ZNF658: variants seen among roughly 807,000 people sequenced by gnomAD.
ZNF658 encodes the protein zinc finger protein 658.
A neutral mutation model predicts 78.0 loss-of-function variants in ZNF658; 46 were observed. The observed-to-expected ratio is 0.59, with a 90% CI of 0.47 to 0.75. ZNF658 has a LOEUF of 0.75. ZNF658 is among the 30% of genes least tolerant of loss of function. ZNF658 has a pLI of 0.00. For missense variants in ZNF658, 785 were observed against 1,189.3 expected, an observed-to-expected ratio of 0.66 and a Z score of 5.00; for synonymous variants, 279 against 408.4, an observed-to-expected ratio of 0.68 and a Z score of 3.82.
downstream of ZNF658, among the ~76,000 whole-genome samples, chr9:66,923,014 G>GT (rs1203318778): frequency 6.6e-6 from 1 of 151,788 alleles, no homozygotes; most frequent in Non-Finnish European, 1.5e-5. Flanking sequence ...GTGAAAGGGA[G>GT]TTTATTAAGG....
At position 66,908,359 on chromosome 9, in the gene ZNF658, C is replaced by T. The variant is rs766070292; in HGVS notation, c.137C>T (p.Ser46Leu). Residue 46 changes from serine (S) to leucine (L), a missense_variant, in exon 3 of 5, where the codon TCA becomes TTA. Ser to Leu is a moderately radical substitution (Grantham distance 145). Coordinates refer to ENST00000621410, the MANE Select transcript of ZNF658 (RefSeq NM_033160.7). ...CTGGAGAACTACAGCCACCTCATCTCAGTGGGTGAGCATAGCTTACCATGG... is the reference window on the plus strand; with the variant it reads ...CTGGAGAACTACAGCCACCTCATCTTAGTGGGTGAGCATAGCTTACCATGG... ...VMLENYSHLI[S>L]VGYCITKPKV... The T allele has an allele frequency of 2.5e-6, 4 of 1,614,116 alleles. No homozygotes were observed. Among genetic ancestry groups the T allele is most frequent in the South Asian group, 2.2e-5 (2 of 91,072 alleles).
In ZNF658 at chr9:66,918,602, ACACAAG is replaced by A. The variant is rs1166338820; in HGVS notation, c.1038_1043del (p.Gln347_Ala348del). ...CTCAGCCCATATAGTACATCAGAAA[ACACAAG>A]CTGGAGATAAATTTGGTGAACATAA... On this transcript the variant is annotated inframe_deletion, in exon 5 of 5. Coordinates refer to ENST00000621410, the MANE Select transcript of ZNF658 (RefSeq NM_033160.7). 2 of 1,610,902 alleles carry A rather than the reference ACACAAG, an allele frequency of 1.2e-6. No homozygotes were observed. Among genetic ancestry groups the A allele is most frequent in the East Asian group, 4.5e-5 (2 of 44,802 alleles).
chr9:66,920,555 A>T lies in ZNF658; in HGVS notation c.2989A>T (p.Asn997Tyr), dbSNP rs2118109441. 1 of 1,293,968 alleles carries T rather than the reference A, an allele frequency of 7.7e-7. No individual in the cohort carries two copies. The highest frequency in any genetic ancestry group is 1.1e-6 in the Non-Finnish European group (1 of 936,418). The allele number at this position is 1,293,968 out of a possible 1,614,324, so 80.2% of individuals were successfully genotyped here. The stretch of plus-strand genomic sequence containing the variant: ...CACAGGGGAGAAACCCTATGAGTGT[A>T]ATGAATGCGGAAAAGCTTTTGCCCA... ...IHTGEKPYEC[N>Y]ECGKAFAQNS... The change falls in exon 5 of 5, where the codon AAT becomes TAT. Residue 997 changes from asparagine to tyrosine, a missense_variant. Physicochemically the swap from Asn to Tyr is moderately radical, Grantham distance 143. This residue lies in a region of ZNF658 where 24 missense variants were observed against 104.8 expected (regional missense o/e 0.23). Transcript: ENST00000621410.
downstream of ZNF658, among the ~76,000 whole-genome samples, chr9:66,925,786 A>G (rs1822580655): frequency 6.6e-6 from 1 of 151,950 alleles, no homozygotes; most frequent in Non-Finnish European, 1.5e-5. Flanking sequence ...AAGACACTAC[A>G]AAAAGAAAAC....
At position 66,905,068 on chromosome 9, in the gene ZNF658, C is replaced by CTTTTTTTTTTTTTTTTT; in HGVS notation, c.15+1501_15+1517dup. ...CTTTTTTCTTTTCTCTTTTTCTTTT[C>CTTTTTTTTTTTTTTTTT]TTTTTTTTTTTTTTTTTTTTTTTTT... is the stretch of plus-strand genomic sequence containing the variant. On this transcript the variant is annotated intron_variant, in intron 2 of 4. Coordinates refer to ENST00000621410, the MANE Select transcript of ZNF658 (RefSeq NM_033160.7). Among the ~76,000 whole-genome samples, 38 of 31,766 alleles carry CTTTTTTTTTTTTTTTTT rather than the reference C, an allele frequency of 1.2e-3. 1 individual carries two copies. Among genetic ancestry groups the CTTTTTTTTTTTTTTTTT allele is most frequent in the East Asian group, 3.2e-3 (4 of 1,258 alleles). The allele number at this position is 31,766 out of a possible 152,430, so 20.8% of individuals were successfully genotyped here. A position where few individuals can be genotyped will look rare whatever the true frequency, so the allele number is the denominator to read the frequency against.
rs1388225670 is a variant in ZNF658, at chr9:66,919,695, G to T, written c.2129G>T (p.Gly710Val). Residue 710 changes from glycine to valine, a missense_variant, in exon 5 of 5, where the codon GGG (glycine) becomes GTG (valine). Physicochemically the swap from Gly to Val is moderately radical, Grantham distance 109 (BLOSUM62 -3). Around this residue, in one of 12 missense-constraint regions of ZNF658, gnomAD observed 75 missense variants for 147.1 expected, o/e 0.51. Coordinates refer to ENST00000621410, the MANE Select transcript of ZNF658 (RefSeq NM_033160.7). ...ALKIHQRIHTGEKPYECNECE... is the reference protein window; with the variant it reads ...ALKIHQRIHTVEKPYECNECE... ...AAAATACATCAGAGAATTCACACGG[G>T]GGAGAAACCCTATGAATGTAATGAA... 2 of 1,613,022 alleles carry T rather than the reference G, an allele frequency of 1.2e-6. No homozygotes were observed. The highest frequency in any genetic ancestry group is 1.7e-5 in the Admixed American group (1 of 59,994).
chr9:66,902,268 A>G (rs1287845043), intron 1 of ZNF658, among the ~76,000 whole-genome samples: 2 of 146,040 alleles, frequency 1.4e-5, no homozygotes, highest in Non-Finnish European at 3.0e-5. Flanking sequence ...GACTACTGCC[A>G]TAGAAGAACA....
downstream of ZNF658, among the ~76,000 whole-genome samples, chr9:66,923,950 AC>A (rs1372345101): frequency 7.2e-6 from 1 of 139,194 alleles, no homozygotes; most frequent in Non-Finnish European, 1.5e-5. Flanking sequence ...GGAGTTTGAG[AC>A]CAACCTGGCC....
chr9:66,916,134 C>A (rs1165552663), intron 4 of ZNF658, among the ~76,000 whole-genome samples: 1 of 151,920 alleles, frequency 6.6e-6, no homozygotes, highest in South Asian at 2.1e-4. Flanking sequence ...GTGATCCACA[C>A]ACCTCAGCCT....
intron 4 of ZNF658, among the ~76,000 whole-genome samples, chr9:66,915,090 CACAT>C (rs990600654): frequency 6.2e-5 from 9 of 145,340 alleles, no homozygotes; most frequent in South Asian, 2.2e-4. Flanking sequence ...CACACACACA[CACAT>C]ACACATATAT....
rs766591062 is a variant in ZNF658, at chr9:66,908,200, A to G, written c.16-38A>G. 6.2e-6 allele frequency: 10 copies of G among 1,613,530 alleles called. No homozygotes were observed. The South Asian group carries it at 1.1e-4, about 18-fold the overall frequency. Reference sequence around the variant, plus strand: ...TCACCCAATTCTGAACCCTTGAACAAACCATTGTTATATTTGTTGTGATAA... The same window carrying G: ...TCACCCAATTCTGAACCCTTGAACAGACCATTGTTATATTTGTTGTGATAA... On this transcript the variant is annotated intron_variant, in intron 2 of 4. Coordinates refer to ENST00000621410, the MANE Select transcript of ZNF658 (RefSeq NM_033160.7).
chr9:66,902,477 G>A (rs1005477978), intron 1 of ZNF658, among the ~76,000 whole-genome samples: 3 of 125,886 alleles, frequency 2.4e-5, no homozygotes, highest in African/African-American at 9.4e-5. Flanking sequence ...CAATTCCCAG[G>A]GGTTGAGAGG....
chr9:66,912,310 TAGA>T (rs1822231975), intron 4 of ZNF658, among the ~76,000 whole-genome samples: 1 of 44,598 alleles, frequency 2.2e-5, no homozygotes, highest in Admixed American at 3.1e-4. Flanking sequence ...AGAAATATTC[TAGA>T]AGATCATATA....
At chr9:66,909,548 G>A (rs1055437198) in intron 4 of ZNF658, among the ~76,000 whole-genome samples, 7 of 151,246 alleles carry the variant, frequency 4.6e-5, no homozygotes, top group African/African-American at 7.3e-5. Flanking sequence ...GTTTCTGCAT[G>A]GACAATTGGT....
At chr9:66,929,094 A>C (rs1033090525) in intron 6 of ZNF658, among the ~76,000 whole-genome samples, 6 of 152,202 alleles carry the variant, frequency 3.9e-5, no homozygotes, top group African/African-American at 1.4e-4. Flanking sequence ...AAACTTGCCC[A>C]AAAATCTGTT....
Position 66,902,914 on chromosome 9 carries a change from A to G in ZNF658, c.-44-604A>G, listed in dbSNP as rs1355321239. 5 of 151,766 alleles carry G rather than the reference A, an allele frequency of 3.3e-5. 1 individual carries two copies. Among genetic ancestry groups the G allele is most frequent in the Non-Finnish European group, 7.4e-5 (5 of 67,954 alleles). The allele number at this position is 151,766 out of a possible 1,614,324, so 9.4% of individuals were successfully genotyped here. The stretch of plus-strand genomic sequence containing the variant: ...TTATTTTTTTCTATTTTTAGTAGAG[A>G]CAGGATTTCGCCATGTTGACCAGGC... On this transcript the variant is annotated intron_variant, in intron 1 of 4. Transcript: ENST00000621410.
At chr9:66,905,742 G>T (rs1822064095) in intron 2 of ZNF658, among the ~76,000 whole-genome samples, 1 of 146,840 alleles carries the variant, frequency 6.8e-6, no homozygotes, top group Non-Finnish European at 1.5e-5. Context: ...TATAGTTTCT[G>T]TTTATTTATA....
intron 2 of ZNF658, among the ~76,000 whole-genome samples, chr9:66,905,335 G>T (rs1267580849): frequency 1.3e-5 from 2 of 148,572 alleles, no homozygotes; most frequent in African/African-American, 2.5e-5. Flanking sequence ...CTCCTAAAGT[G>T]TTGAGATTAC....
At chr9:66,909,254 C>T (rs1251161257) in intron 4 of ZNF658, among the ~76,000 whole-genome samples, 7 of 151,960 alleles carry the variant, frequency 4.6e-5, no homozygotes, top group African/African-American at 1.7e-4. Context: ...ACTGTCCCAT[C>T]CCCCCTGCCC....
Sources: gnomAD v4.1 joint callset for allele counts (sites outside exome capture counted in the v4.1 genomes callset) on GRCh38, gnomAD v4.1.1 for gene constraint, gnomAD v4.1.1 regional missense constraint, MANE v1.5 for transcripts, NCBI Gene and HGNC (gene_info 2026-07-23, HGNC 2026-07-21) for gene names.